The following SLCO1B3 variants were observed in gnomAD, a reference collection of about 807,000 sequenced individuals.
SLCO1B3 encodes solute carrier organic anion transporter family member 1B3.
SLCO1B3 carries 72 observed loss-of-function variants against 71.8 expected under a neutral mutation model. The ratio of observed to expected loss-of-function variants is 1.00; its 90% CI spans 0.83 to 1.22. The LOEUF (loss-of-function observed/expected upper bound fraction) is 1.22. SLCO1B3 is among the 50% of genes most tolerant of loss of function. The probability of loss-of-function intolerance (pLI) is 0.00; values close to 1 mark genes in which losing one functional copy is unlikely to be tolerated. For synonymous variants in SLCO1B3, 298 were observed against 278.4 expected (o/e 1.07, Z -0.70); for missense variants, 911 against 819.7 (o/e 1.11, Z -1.36).
At chr12:20,882,740 C>T (rs4578447) in intron 12 of SLCO1B3, among the ~76,000 whole-genome samples, 110,163 of 152,080 alleles carry the variant, frequency 0.72, 42,498 homozygotes, top group South Asian at 0.9. Flanking sequence ...AAATAGTCTT[C>T]AGCAGTAGTA....
chr12:20,847,624 C>A (rs1465996173), intron 3 of SLCO1B3, among the ~76,000 whole-genome samples: 2 of 151,946 alleles, frequency 1.3e-5, no homozygotes, highest in African/African-American at 2.4e-5. Flanking sequence ...TCAGTGGCAA[C>A]CTTAAGCAGG....
intron 3 of SLCO1B3, among the ~76,000 whole-genome samples, chr12:20,823,113 A>G (rs949674730): frequency 1.3e-5 from 2 of 152,182 alleles, no homozygotes; most frequent in East Asian, 3.9e-4. Context: ...ACACAGTAGA[A>G]GGAACAATCC....
intron 15 of SLCO1B3, among the ~76,000 whole-genome samples, chr12:20,907,018 TAAAA>T (rs904148104): frequency 3.9e-5 from 6 of 152,000 alleles, no homozygotes; most frequent in Non-Finnish European, 5.9e-5. Context: ...TCTGAGTTCT[TAAAA>T]AAAGGAAAAA....
In SLCO1B3 at chr12:20,916,396, T is replaced by A. The variant is rs1382822978; in HGVS notation, c.*149T>A. The A allele has an allele frequency of 3.0e-6, 2 of 656,998 alleles. No individual in the cohort carries two copies. The highest frequency in any genetic ancestry group is 5.1e-6 in the Non-Finnish European group (2 of 392,022). The allele number at this position is 656,998 out of a possible 1,614,324, so 40.7% of individuals were successfully genotyped here. On this transcript the variant is annotated 3_prime_UTR_variant, in exon 16 of 16. Transcript: ENST00000381545. ...AATGGGAGTACCCATGGTTAGGATA[T>A]AGCTATGCCTTTATGGTTAAGATTA...
chr12:20,817,849 G>A (rs528882875), intron 3 of SLCO1B3, among the ~76,000 whole-genome samples: 203 of 151,974 alleles, frequency 1.3e-3, no homozygotes, highest in Non-Finnish European at 2.2e-3. Context: ...CTCGGCCTCC[G>A]AAAGTGCTGG....
intron 3 of SLCO1B3, among the ~76,000 whole-genome samples, chr12:20,836,044 G>A (rs1339175540): frequency 2.0e-5 from 3 of 152,200 alleles, no homozygotes; most frequent in African/African-American, 7.2e-5. Flanking sequence ...CATGGCAGCA[G>A]GCAGAAGAGT....
intron 8 of SLCO1B3, among the ~76,000 whole-genome samples, chr12:20,869,490 G>T (rs922549050): frequency 6.6e-6 from 1 of 152,124 alleles, no homozygotes; most frequent in East Asian, 1.9e-4. Context: ...TCTATATCTG[G>T]TATAACTTCT....
chr12:20,863,476 C>G (rs1865310534), intron 8 of SLCO1B3, among the ~76,000 whole-genome samples: 1 of 152,170 alleles, frequency 6.6e-6, no homozygotes, highest in African/African-American at 2.4e-5. Flanking sequence ...TAATATCTGC[C>G]TCGACTTCAG....
At chr12:20,811,522 T>C (rs1221704886) in intron 1 of SLCO1B3, among the ~76,000 whole-genome samples, 2 of 152,204 alleles carry the variant, frequency 1.3e-5, no homozygotes, top group African/African-American at 4.8e-5. Flanking sequence ...GTTCCATAGG[T>C]ACATGCTAGA....
intron 3 of SLCO1B3, among the ~76,000 whole-genome samples, chr12:20,825,575 C>A (rs1194514206): frequency 2.6e-5 from 4 of 152,120 alleles, no homozygotes. Context: ...GCGGGCAGAT[C>A]ACTTGAGGTC....
At chr12:20,850,880 A>G (rs530629061) in intron 3 of SLCO1B3, among the ~76,000 whole-genome samples, 1 of 152,300 alleles carries the variant, frequency 6.6e-6, no homozygotes, top group South Asian at 2.1e-4. Flanking sequence ...GAAATTGCCA[A>G]AGTGCTTTTC....
chr12:20,911,195 A>G (rs967515453), intron 15 of SLCO1B3, among the ~76,000 whole-genome samples: 3 of 152,178 alleles, frequency 2.0e-5, no homozygotes, highest in Admixed American at 6.5e-5. Flanking sequence ...TTCTGCATCT[A>G]TTGATGTGAT....
At chr12:20,905,222 G>A (rs1238396824) in intron 15 of SLCO1B3, among the ~76,000 whole-genome samples, 1 of 152,112 alleles carries the variant, frequency 6.6e-6, no homozygotes, top group African/African-American at 2.4e-5. Context: ...CCCTGGGCCT[G>A]ACCCACAAAA....
At chr12:20,833,730 T>C (rs943086393) in intron 3 of SLCO1B3, among the ~76,000 whole-genome samples, 3 of 110,246 alleles carry the variant, frequency 2.7e-5, no homozygotes, top group Non-Finnish European at 6.4e-5. Flanking sequence ...TATATTTACA[T>C]ATGTAATTTA....
At chr12:20,881,902 T>A (rs1865701865) in intron 12 of SLCO1B3, among the ~76,000 whole-genome samples, 1 of 152,220 alleles carries the variant, frequency 6.6e-6, no homozygotes, top group Non-Finnish European at 1.5e-5. Flanking sequence ...AAACATTTTC[T>A]ATCTTTCCCT....
chr12:20,814,718 G>A (rs1013008210), intron 2 of SLCO1B3, among the ~76,000 whole-genome samples: 2 of 151,966 alleles, frequency 1.3e-5, no homozygotes, highest in Non-Finnish European at 2.9e-5. Flanking sequence ...GTGAAACCCT[G>A]TCTCTACTAA....
intron 13 of SLCO1B3, among the ~76,000 whole-genome samples, chr12:20,891,705 G>T (rs1485816809): frequency 2.0e-5 from 3 of 151,938 alleles, no homozygotes; most frequent in Non-Finnish European, 4.4e-5. Flanking sequence ...TGTCCTGAAG[G>T]TTCTGTTAGG....
At chr12:20,903,633 C>G (rs1432680551) in intron 15 of SLCO1B3, among the ~76,000 whole-genome samples, 3 of 152,014 alleles carry the variant, frequency 2.0e-5, no homozygotes, top group African/African-American at 7.2e-5. Context: ...AACCACCAGA[C>G]CTCATGAGAA....
chr12:20,876,310 C>T (rs1865577723), intron 9 of SLCO1B3, among the ~76,000 whole-genome samples: 1 of 152,052 alleles, frequency 6.6e-6, no homozygotes, highest in South Asian at 2.1e-4. Flanking sequence ...CAAGATATAT[C>T]AAATGGTAAG....
Sources: gnomAD v4.1 joint callset for allele counts (sites outside exome capture counted in the v4.1 genomes callset) on GRCh38, gnomAD v4.1.1 for gene constraint, MANE v1.5 for transcripts, NCBI Gene and HGNC (gene_info 2026-07-23, HGNC 2026-07-21) for gene names.